OPCML: variants seen among roughly 807,000 people sequenced by gnomAD.
OPCML encodes the protein opioid-binding protein/cell adhesion molecule.
A neutral mutation model predicts 37.8 loss-of-function variants in OPCML; 13 were observed. The observed-to-expected ratio is 0.34, with a 90% confidence interval of 0.22 to 0.55. OPCML has a LOEUF of 0.55. Ranked by LOEUF, OPCML falls within the 20% of genes least tolerant of loss-of-function variation. OPCML has a pLI of 0.91. For missense variants in OPCML, 341 were observed against 435.6 expected (o/e 0.78, Z 1.93); for synonymous variants, 176 against 168.8 (o/e 1.04, Z -0.33).
rs1944976421 is a variant in OPCML at position 132,925,959 on chromosome 11, G to A, written c.146+16967C>T. On this transcript the variant is annotated intron_variant, in intron 2 of 7. Coordinates refer to ENST00000524381, the MANE Select transcript of OPCML (RefSeq NM_001012393.5). Reference sequence around the variant, plus strand: ...CTCCTTTCTGTTGCTAGAACACAGTGAGCACACATTTGCCATGAACCCTAT... The same window carrying A: ...CTCCTTTCTGTTGCTAGAACACAGTAAGCACACATTTGCCATGAACCCTAT... 3.3e-5 allele frequency among the ~76,000 whole-genome samples: 5 copies of A among 152,220 alleles called. No homozygotes were observed. In the South Asian group the frequency reaches 8.3e-4, roughly 25 times the overall value.
At chr11:133,144,064 T>C (rs1395935774) in intron 1 of OPCML, among the ~76,000 whole-genome samples, 2 of 152,194 alleles carry the variant, frequency 1.3e-5, no homozygotes, top group Non-Finnish European at 1.5e-5. Context: ...TTGTGTCTCA[T>C]CTTCTTCTCT....
chr11:132,484,237 T>C (rs1238719608), intron 4 of OPCML, among the ~76,000 whole-genome samples: 8 of 151,630 alleles, frequency 5.3e-5, no homozygotes, highest in Admixed American at 2.6e-4. Context: ...AACACACAAC[T>C]CCATCAAAAA....
intron 1 of OPCML, among the ~76,000 whole-genome samples, chr11:133,246,761 TAA>T (rs1331843586): frequency 6.6e-6 from 1 of 152,238 alleles, no homozygotes; most frequent in Non-Finnish European, 1.5e-5. Context: ...AATAGATTGA[TAA>T]GTTTGGAAAC....
chr11:132,932,507 C>A (rs1945241616), intron 2 of OPCML, among the ~76,000 whole-genome samples: 1 of 151,918 alleles, frequency 6.6e-6, no homozygotes, highest in Non-Finnish European at 1.5e-5. Context: ...CTTCCTCCAT[C>A]CCCCTTTCCC....
At chr11:133,496,134 C>G (rs1417569930) in intron 1 of OPCML, among the ~76,000 whole-genome samples, 1 of 152,128 alleles carries the variant, frequency 6.6e-6, no homozygotes, top group African/African-American at 2.4e-5. Flanking sequence ...GCCAATTATC[C>G]CAGCATCATT....
intron 1 of OPCML, among the ~76,000 whole-genome samples, chr11:133,145,226 C>A (rs1249665712): frequency 1.3e-5 from 2 of 152,102 alleles, no homozygotes; most frequent in Non-Finnish European, 2.9e-5. Context: ...AGGCAGGGTG[C>A]TGTGGAAATG....
intron 1 of OPCML, chr11:133,004,430 C>T (rs554818334): frequency 1.0e-6 from 1 of 985,458 alleles, no homozygotes; most frequent in Non-Finnish European, 1.2e-6. Context: ...ACAGCCAAGT[C>T]CCAGCAAGGC....
intron 1 of OPCML, among the ~76,000 whole-genome samples, chr11:133,369,845 G>A (rs934021665): frequency 6.6e-6 from 1 of 152,138 alleles, no homozygotes; most frequent in Admixed American, 6.6e-5. Flanking sequence ...TAGGTTGGCT[G>A]TTCCTTACTG....
At chr11:132,927,188 A>G (rs552087315) in intron 2 of OPCML, among the ~76,000 whole-genome samples, 5 of 152,294 alleles carry the variant, frequency 3.3e-5, no homozygotes, top group African/African-American at 9.6e-5. Context: ...GGACATATAC[A>G]TATAAGAAGC....
chr11:133,422,611 C>G, intron 1 of OPCML: 3 of 959,028 alleles, frequency 3.1e-6, no homozygotes, highest in Non-Finnish European at 3.7e-6. Context: ...GCTACCGCAG[C>G]CTCCCGAGTA....
intron 2 of OPCML, among the ~76,000 whole-genome samples, chr11:132,737,136 C>A (rs1474448023): frequency 6.6e-6 from 1 of 152,164 alleles, no homozygotes; most frequent in Non-Finnish European, 1.5e-5. Flanking sequence ...AACAGACTGC[C>A]TAGTCTCCAA....
chr11:133,008,201 G>C (rs1264685705), intron 1 of OPCML: 1 of 985,258 alleles, frequency 1.0e-6, no homozygotes, highest in Non-Finnish European at 1.2e-6. Context: ...ATTGGCTACA[G>C]AATTAAGCTC....
At chr11:132,704,044 T>C (rs1475556467) in intron 2 of OPCML, among the ~76,000 whole-genome samples, 1 of 152,148 alleles carries the variant, frequency 6.6e-6, no homozygotes, top group Non-Finnish European at 1.5e-5. Context: ...GGTTGGTTTT[T>C]TTGCAGTCTA....
chr11:133,152,938 T>C lies in OPCML; in HGVS notation c.62-209928A>G, dbSNP rs540515619. Among the ~76,000 whole-genome samples, 4 of 152,040 alleles carry C rather than the reference T, an allele frequency of 2.6e-5. No homozygotes were observed. The South Asian group carries it at 8.3e-4, about 32-fold the overall frequency. On this transcript the variant is annotated intron_variant, in intron 1 of 7. Transcript: ENST00000524381. The stretch of plus-strand genomic sequence containing the variant: ...TTTTCCCCTTCATAAGGTAATAAAA[T>C]ATTCATTTCACAGCCTGAAAGCCTT...
At chr11:133,425,214 T>G (rs955922525) in intron 1 of OPCML, among the ~76,000 whole-genome samples, 2 of 152,228 alleles carry the variant, frequency 1.3e-5, no homozygotes, top group Admixed American at 1.3e-4. Flanking sequence ...GACCTCCTCA[T>G]AGAAACACCT....
chr11:132,631,375 A>ATATATC (rs1491278364), intron 3 of OPCML, among the ~76,000 whole-genome samples: 3 of 139,590 alleles, frequency 2.1e-5, no homozygotes, highest in African/African-American at 7.9e-5. Flanking sequence ...ATATATATAT[A>ATATATC]TCTCCTAGGT....
chr11:133,207,891 G>A (rs1939165109), intron 1 of OPCML, among the ~76,000 whole-genome samples: 2 of 149,290 alleles, frequency 1.3e-5, no homozygotes, highest in South Asian at 2.1e-4. Flanking sequence ...GGACTTTTTG[G>A]ACCCTGTAAC....
At chr11:133,336,495 A>G (rs1401232498) in intron 1 of OPCML, among the ~76,000 whole-genome samples, 2 of 152,258 alleles carry the variant, frequency 1.3e-5, no homozygotes, top group African/African-American at 4.8e-5. Context: ...TCTCTAAGAC[A>G]TAGTAGCATT....
At chr11:132,753,919 C>T (rs910281061) in intron 2 of OPCML, among the ~76,000 whole-genome samples, 1 of 152,176 alleles carries the variant, frequency 6.6e-6, no homozygotes, top group African/African-American at 2.4e-5. Flanking sequence ...TGCACATCAA[C>T]TTTAATTTTA....
Sources: allele counts gnomAD v4.1 joint callset (sites outside exome capture counted in the v4.1 genomes callset), GRCh38; gene constraint gnomAD v4.1.1; transcripts MANE v1.5; gene names NCBI Gene and HGNC (gene_info 2026-07-23, HGNC 2026-07-21).